Variants in SNTG2 observed in about 807,000 individuals in gnomAD.
SNTG2 encodes syntrophin gamma 2, also known as gamma-2-syntrophin.
Under a neutral mutation model 70.9 loss-of-function variants are expected in SNTG2, and 74 were observed. The ratio of observed to expected loss-of-function variants is 1.04; its 90% CI spans 0.86 to 1.27. The LOEUF (loss-of-function observed/expected upper bound fraction) is 1.27. Among genes scored for constraint, SNTG2 ranks in the 50% most tolerant of loss-of-function variants. The probability of loss-of-function intolerance (pLI) is 0.00; values close to 1 mark genes in which losing one functional copy is unlikely to be tolerated. For missense variants in SNTG2, 717 were observed against 690.7 expected, an observed-to-expected ratio of 1.04 and a Z score of -0.43; for synonymous variants, 278 against 273.8, an observed-to-expected ratio of 1.02 and a Z score of -0.15.
intron 1 of SNTG2, among the ~76,000 whole-genome samples, chr2:1,044,141 C>G (rs764843079): frequency 3.3e-5 from 5 of 151,946 alleles, no homozygotes; most frequent in Non-Finnish European, 7.4e-5. Context: ...GCCCCCCCAC[C>G]CCGGTTAGCT....
At chr2:1,160,851 A>G (rs1214766100) in intron 6 of SNTG2, 1 of 152,334 alleles carries the variant, frequency 6.6e-6, no homozygotes, top group African/African-American at 2.4e-5. Flanking sequence ...ACAGACTCCC[A>G]GCCTCTGGAA....
At chr2:1,040,058 G>C (rs1661345939) in intron 1 of SNTG2, among the ~76,000 whole-genome samples, 1 of 152,170 alleles carries the variant, frequency 6.6e-6, no homozygotes, top group African/African-American at 2.4e-5. Flanking sequence ...TGCAGGATTG[G>C]CCTGTGCGGG....
At chr2:1,163,824 G>A (rs1670509341) in intron 6 of SNTG2, 1 of 152,306 alleles carries the variant, frequency 6.6e-6, no homozygotes, top group Admixed American at 6.5e-5. Flanking sequence ...GTGGCTCAGA[G>A]GGCCAGGAGG....
At chr2:1,222,522 C>G in intron 9 of SNTG2, among the ~76,000 whole-genome samples, 1 of 124,954 alleles carries the variant, frequency 8.0e-6, no homozygotes, top group South Asian at 2.6e-4. Context: ...CCCTGTCCTG[C>G]CTGCTGCTGG....
intron 1 of SNTG2, 61 bp from the exon 2 acceptor site, chr2:1,083,457 A>C (rs4971431): frequency 6.3e-7 from 1 of 1,596,110 alleles, no homozygotes; most frequent in East Asian, 2.2e-5. Flanking sequence ...TGCGTCACCT[A>C]TCCCCACCCC....
chr2:1,230,553 T>G (rs918124819), intron 9 of SNTG2, among the ~76,000 whole-genome samples: 1 of 152,276 alleles, frequency 6.6e-6, no homozygotes, highest in East Asian at 1.9e-4. Flanking sequence ...TCTCGTTTGA[T>G]CTCAGATAAC....
At chr2:968,598 C>A (rs1462149781) in intron 1 of SNTG2, among the ~76,000 whole-genome samples, 1 of 152,032 alleles carries the variant, frequency 6.6e-6, no homozygotes, top group Non-Finnish European at 1.5e-5. Flanking sequence ...CCTTTTATTG[C>A]CAGTGTTTAC....
chr2:1,096,877 G>A (rs1254102524), intron 2 of SNTG2, among the ~76,000 whole-genome samples: 2 of 152,146 alleles, frequency 1.3e-5, no homozygotes, highest in African/African-American at 4.8e-5. Flanking sequence ...TGCAATGAGA[G>A]CCCGTGGTAT....
At chr2:1,039,090 T>C (rs1661288770) in intron 1 of SNTG2, among the ~76,000 whole-genome samples, 1 of 152,210 alleles carries the variant, frequency 6.6e-6, no homozygotes, top group South Asian at 2.1e-4. Context: ...ATACAGTAAT[T>C]AGGGTTTATC....
intron 1 of SNTG2, among the ~76,000 whole-genome samples, chr2:956,893 A>G (rs992901386): frequency 2.6e-5 from 4 of 152,174 alleles, no homozygotes; most frequent in Non-Finnish European, 5.9e-5. Flanking sequence ...GTGCTTTCAT[A>G]TTTTTAGAAT....
intron 1 of SNTG2, among the ~76,000 whole-genome samples, chr2:997,411 G>A (rs1204800712): frequency 6.6e-6 from 1 of 152,276 alleles, no homozygotes; most frequent in South Asian, 2.1e-4. Flanking sequence ...AGTGAGAGAT[G>A]TAGGATTGTG....
intron 1 of SNTG2, among the ~76,000 whole-genome samples, chr2:972,605 G>A (rs1660779823): frequency 6.6e-6 from 1 of 152,138 alleles, no homozygotes; most frequent in Non-Finnish European, 1.5e-5. Flanking sequence ...CATAATATTG[G>A]AGGTGGAGCC....
intron 6 of SNTG2, among the ~76,000 whole-genome samples, chr2:1,152,553 TGTTTCTAG>T (rs952050396): frequency 1.5e-5 from 2 of 133,234 alleles, no homozygotes; most frequent in African/African-American, 5.3e-5. Flanking sequence ...CACACACGTA[TGTTTCTAG>T]GTGTGCACAT....
At chr2:1,187,627 T>C (rs993272590) in intron 8 of SNTG2, among the ~76,000 whole-genome samples, 1 of 152,116 alleles carries the variant, frequency 6.6e-6, no homozygotes, top group Non-Finnish European at 1.5e-5. Context: ...CTGACTAATA[T>C]AGTAGTTAAA....
chr2:1,178,135 T>C (rs4464312), intron 8 of SNTG2, among the ~76,000 whole-genome samples: 47,840 of 152,018 alleles, frequency 0.31, 8,107 homozygotes, highest in East Asian at 0.65. Context: ...ACTTTAATCA[T>C]GTAAAAGCCA....
At chr2:1,211,824 C>T (rs554765355) in intron 9 of SNTG2, among the ~76,000 whole-genome samples, 8 of 152,268 alleles carry the variant, frequency 5.3e-5, no homozygotes, top group South Asian at 4.1e-4. Flanking sequence ...GGCAAGAGTA[C>T]AACCAAACCA....
rs4927641 is a variant in SNTG2, at chr2:1,354,744, G to T, written c.1489-12599G>T. Among the ~76,000 whole-genome samples the T allele has an allele frequency of 7.3e-3, 100 of 13,784 alleles. 18 individuals are homozygous for T. The East Asian group carries it at 0.27, about 38-fold the overall frequency. The allele number at this position is 13,784 out of a possible 152,430, so 9.0% of individuals were successfully genotyped here. ...CTGACTGAGTTCCCTGAGCCTCCGCGTTCTCATCTGTAAAGTGGGTACGTT... is the reference window on the plus strand; with the variant it reads ...CTGACTGAGTTCCCTGAGCCTCCGCTTTCTCATCTGTAAAGTGGGTACGTT... On this transcript the variant is annotated intron_variant, in intron 16 of 16. Transcript: ENST00000308624.
At chr2:1,365,370 T>C (rs73180225) in intron 16 of SNTG2, among the ~76,000 whole-genome samples, 3,828 of 152,262 alleles carry the variant, frequency 0.025, 157 homozygotes, top group African/African-American at 0.087. Flanking sequence ...AAATAATTAG[T>C]GTTGTAGCTG....
At chr2:1,133,096 A>G (rs1668133031) in intron 4 of SNTG2, among the ~76,000 whole-genome samples, 1 of 152,206 alleles carries the variant, frequency 6.6e-6, no homozygotes, top group Non-Finnish European at 1.5e-5. Flanking sequence ...ATTATGCCTT[A>G]CACATGGGGT....
Sources: allele counts gnomAD v4.1 joint callset (sites outside exome capture counted in the v4.1 genomes callset), GRCh38; gene constraint gnomAD v4.1.1; transcripts MANE v1.5; gene names NCBI Gene and HGNC (gene_info 2026-07-23, HGNC 2026-07-21).